The following ARID3A variants were observed in gnomAD, a reference collection of about 807,000 sequenced individuals.
ARID3A encodes the protein AT-rich interaction domain 3A.
A neutral mutation model predicts 52.7 loss-of-function variants in ARID3A; 11 were observed. The observed-to-expected ratio is 0.21, with a 90% confidence interval of 0.13 to 0.35. The LOEUF is 0.35. Ranked by LOEUF, ARID3A falls within the 10% of genes least tolerant of loss-of-function variation. ARID3A has a pLI of 1.00. For missense variants in ARID3A, 721 were observed against 838.5 expected (o/e 0.86, Z 1.73); for synonymous variants, 404 against 359.4 (o/e 1.12, Z -1.40).
rs574850308 is a variant in ARID3A at position 930,798 on chromosome 19, C to T, written c.368+902C>T. Among the ~76,000 whole-genome samples, 16 of 151,866 alleles carry T rather than the reference C, an allele frequency of 1.1e-4. No homozygotes were observed. In the East Asian group the frequency reaches 1.2e-3, roughly 11 times the overall value. On this transcript the variant is annotated intron_variant, in intron 2 of 8. Coordinates refer to ENST00000263620, the MANE Select transcript of ARID3A (RefSeq NM_005224.3). ...TGCTGGGATTACAGGCGTGAGCCAC[C>T]ACACCCGGCCAACTTTGTTTCATCT...
intron 3 of ARID3A, among the ~76,000 whole-genome samples, chr19:955,743 C>T (rs1380156003): frequency 1.3e-5 from 2 of 152,138 alleles, no homozygotes; most frequent in African/African-American, 4.8e-5. Flanking sequence ...CCCGTAATAC[C>T]GGGTCAGAAT....
At chr19:933,512 C>G (rs1281240904) in intron 3 of ARID3A, among the ~76,000 whole-genome samples, 1 of 152,180 alleles carries the variant, frequency 6.6e-6, no homozygotes, top group African/African-American at 2.4e-5. Context: ...CTGGGGGGAG[C>G]CACCTCCTCG....
chr19:943,296 C>T (rs1319650658), intron 3 of ARID3A, among the ~76,000 whole-genome samples: 1 of 150,582 alleles, frequency 6.6e-6, no homozygotes, highest in Non-Finnish European at 1.5e-5. Context: ...GACGGGCGCG[C>T]AGTGTCTCAT....
chr19:968,370 GA>G (rs1191337202), intron 7 of ARID3A, 34 bp from the exon 8 acceptor site: 5 of 1,532,332 alleles, frequency 3.3e-6, no homozygotes, highest in Admixed American at 1.8e-5. Flanking sequence ...AAAAAAAAAA[GA>G]AAAAAAGAAA....
chr19:948,934 C>G (rs2037744548), intron 3 of ARID3A, among the ~76,000 whole-genome samples: 1 of 152,044 alleles, frequency 6.6e-6, no homozygotes, highest in African/African-American at 2.4e-5. Context: ...GTCTCAAACT[C>G]CTGACCTCAG....
At position 929,771 on chromosome 19, in the gene ARID3A, T is replaced by A. The variant is rs370010260; in HGVS notation, c.243T>A (p.Ser81=). 9.7e-6 allele frequency: 15 copies of A among 1,552,546 alleles called. No individual in the cohort carries two copies. The highest frequency in any genetic ancestry group is 1.2e-5 in the Non-Finnish European group (14 of 1,154,256). The part of the protein sequence containing the change: ...GLGHPASPGG[S]EDGPPGSEEE... The stretch of plus-strand genomic sequence containing the variant: ...GACACCCAGCCAGCCCCGGCGGCTC[T>A]GAGGATGGGCCCCCAGGCTCGGAGG... Residue 81 remains serine, a synonymous_variant, in exon 2 of 9, where the codon TCT becomes TCA. Transcript: ENST00000263620. The surrounding 1 kb of genome is among the most constrained non-coding windows in gnomAD (Gnocchi z 6.2).
Position 966,667 on chromosome 19 carries a change from G to A in ARID3A, c.1294G>A (p.Ala432Thr), listed in dbSNP as rs756327494. ...GGCAGCCCAGGCAGCAGCTGTGCAA[G>A]CAGCAGCCGCCCAAGCAGCTGTGGC... ...VVAAQAAAVQAAAAQAAVAAQ... is the reference protein window; with the variant it reads ...VVAAQAAAVQTAAAQAAVAAQ... The change falls in exon 7 of 9, where the codon GCA (alanine) becomes ACA (threonine). Residue 432 changes from alanine (A) to threonine (T), a missense_variant. Ala to Thr is a moderately conservative substitution (Grantham distance 58, BLOSUM62 0). Around this residue, in one of 5 missense-constraint regions of ARID3A, gnomAD observed 297 missense variants for 343.2 expected, o/e 0.87. Transcript: ENST00000263620. 60 of 1,609,868 alleles carry A rather than the reference G, an allele frequency of 3.7e-5. No individual in the cohort carries two copies. The highest frequency in any genetic ancestry group is 1.7e-5 in the Admixed American group (1 of 59,860).
chr19:936,414 C>T (rs1339168021), intron 3 of ARID3A, among the ~76,000 whole-genome samples: 2 of 152,100 alleles, frequency 1.3e-5, no homozygotes, highest in African/African-American at 4.8e-5. Flanking sequence ...TGTGGTGGCG[C>T]ACACCTGTAG....
chr19:955,071 G>A (rs931763391), intron 3 of ARID3A, among the ~76,000 whole-genome samples: 1 of 152,168 alleles, frequency 6.6e-6, no homozygotes, highest in Non-Finnish European at 1.5e-5. Context: ...CGTTTCAGAG[G>A]GGCAGGGTTT....
In ARID3A at chr19:938,183, C is replaced by T. The variant is rs1024447340; in HGVS notation, c.693+5441C>T. 1.3e-5 allele frequency among the ~76,000 whole-genome samples: 2 copies of T among 152,100 alleles called. No homozygotes were observed. The highest frequency in any genetic ancestry group is 2.4e-5 in the African/African-American group (1 of 41,412). ...GATCCTAGCCTCCTTGTGGGGGTGG[C>T]GTGGTTTCTCACTGTGGTTCTGATT... On this transcript the variant is annotated intron_variant, in intron 3 of 8. Transcript: ENST00000263620. This position sits in a 1 kb window ranked among gnomAD's most constrained non-coding sequence, Gnocchi z 4.0.
rs2038333233 is a variant in ARID3A, at chr19:974,018, C to G, written c.*1953C>G. 1 of 228,242 alleles carries G rather than the reference C, an allele frequency of 4.4e-6. No individual in the cohort carries two copies. Among genetic ancestry groups the G allele is most frequent in the African/African-American group, 2.2e-5 (1 of 44,924 alleles). The allele number at this position is 228,242 out of a possible 1,614,324, so 14.1% of individuals were successfully genotyped here. A position where few individuals can be genotyped will look rare whatever the true frequency, so the allele number is the denominator to read the frequency against. ...TTAACTCAGCTATTCCCAGGGTAAG[C>G]CTGGGTCTCTAATTGGGCCCTGGGA... On this transcript the variant is annotated 3_prime_UTR_variant, in exon 9 of 9. Coordinates refer to ENST00000263620, the MANE Select transcript of ARID3A (RefSeq NM_005224.3).
chr19:935,376 T>A (rs2145365604), intron 3 of ARID3A, among the ~76,000 whole-genome samples: 1 of 152,310 alleles, frequency 6.6e-6, no homozygotes, highest in African/African-American at 2.4e-5. Flanking sequence ...CGGGCAGTGA[T>A]TAGGATCTCA....
At chr19:926,457 C>G (rs1555724756) in intron 1 of ARID3A, among the ~76,000 whole-genome samples, 1 of 150,282 alleles carries the variant, frequency 6.7e-6, no homozygotes, top group Non-Finnish European at 1.5e-5. Context: ...GCGCCCCCCC[C>G]TCCCCAGCGG....
At chr19:928,672 A>T (rs186227684) in intron 1 of ARID3A, 1 of 152,084 alleles carries the variant, frequency 6.6e-6, no homozygotes, top group Non-Finnish European at 1.5e-5. Flanking sequence ...CCTGAACTCG[A>T]TTCATCCCTC....
At position 960,160 on chromosome 19, in the gene ARID3A, G is replaced by A. The variant is rs1488264758; in HGVS notation, c.762G>A (p.Lys254=). 3 of 1,611,504 alleles carry A rather than the reference G, an allele frequency of 1.9e-6. No individual in the cohort carries two copies. The South Asian group carries it at 3.3e-5, about 18-fold the overall frequency. ...ATGACTTGTTCAGCTTCATGCAGAA[G>A]CGAGGTGAGCCCTCTGCCCCCACCC... ...FLDDLFSFMQ[K]RGTPVNRIPI... Residue 254 remains lysine (K), a synonymous_variant, in exon 4 of 9, where the codon AAG becomes AAA. Transcript: ENST00000263620. The surrounding 1 kb of genome is among the most constrained non-coding windows in gnomAD (Gnocchi z 4.3).
Position 941,152 on chromosome 19 carries a change from C to T in ARID3A, c.693+8410C>T, listed in dbSNP as rs768907613. Reference sequence around the variant, plus strand: ...GCCCCATGCTTTCTAATAACACACGCGGCAGCCCGAGGGAGCGGTGCCCGC... The same window carrying T: ...GCCCCATGCTTTCTAATAACACACGTGGCAGCCCGAGGGAGCGGTGCCCGC... On this transcript the variant is annotated intron_variant, in intron 3 of 8. Transcript: ENST00000263620. This position sits in a 1 kb window ranked among gnomAD's most constrained non-coding sequence, Gnocchi z 6.9. Among the ~76,000 whole-genome samples, 3 of 152,230 alleles carry T rather than the reference C, an allele frequency of 2.0e-5. No individual in the cohort carries two copies. Among genetic ancestry groups the T allele is most frequent in the Non-Finnish European group, 4.4e-5 (3 of 68,028 alleles).
chr19:936,412 C>T (rs1397180672), intron 3 of ARID3A, among the ~76,000 whole-genome samples: 3 of 152,168 alleles, frequency 2.0e-5, no homozygotes, highest in Non-Finnish European at 2.9e-5. Flanking sequence ...AGTGTGGTGG[C>T]GCACACCTGT....
In ARID3A at chr19:960,708, C is replaced by T. The variant is rs1439180252; in HGVS notation, c.766+544C>T. Among the ~76,000 whole-genome samples, 2 of 152,172 alleles carry T rather than the reference C, an allele frequency of 1.3e-5. No homozygotes were observed. Among genetic ancestry groups the T allele is most frequent in the African/African-American group, 2.4e-5 (1 of 41,428 alleles). On this transcript the variant is annotated intron_variant, in intron 4 of 8. Transcript: ENST00000263620. This position sits in a 1 kb window ranked among gnomAD's most constrained non-coding sequence, Gnocchi z 4.3. ...TTTCCCCATCTGTAAAAACGGGCCACAAACAGTCCCTGCCCAAAACTCAGT... is the reference window on the plus strand; with the variant it reads ...TTTCCCCATCTGTAAAAACGGGCCATAAACAGTCCCTGCCCAAAACTCAGT...
intron 3 of ARID3A, among the ~76,000 whole-genome samples, chr19:957,092 C>G (rs1386307035): frequency 3.2e-5 from 4 of 126,240 alleles, no homozygotes; most frequent in Non-Finnish European, 1.6e-5. Flanking sequence ...TTCCCCCACC[C>G]TGCCCGCCCG....
Sources: allele counts gnomAD v4.1 joint callset (sites outside exome capture counted in the v4.1 genomes callset), GRCh38; gene constraint gnomAD v4.1.1; regional missense constraint gnomAD v4.1.1; non-coding constraint Gnocchi (gnomAD v3.1); transcripts MANE v1.5; gene names NCBI Gene and HGNC (gene_info 2026-07-23, HGNC 2026-07-21).